The following DYNC2LI1 variants were observed in gnomAD, a reference collection of about 807,000 sequenced individuals.
DYNC2LI1 encodes the protein dynein cytoplasmic 2 light intermediate chain 1.
A neutral mutation model predicts 51.9 loss-of-function variants in DYNC2LI1; 45 were observed. The ratio of observed to expected loss-of-function variants is 0.87; its 90% confidence interval spans 0.68 to 1.11. The LOEUF is 1.11. Ranked by LOEUF, DYNC2LI1 falls within the 50% of genes most tolerant of loss-of-function variation. DYNC2LI1 has a pLI of 0.00. For missense variants in DYNC2LI1, 490 were observed against 417.4 expected (o/e 1.17, Z -1.51); for synonymous variants, 130 against 137.8 (o/e 0.94, Z 0.40).
At chr2:43,811,820 T>C (rs1179779264), downstream of DYNC2LI1, among the ~76,000 whole-genome samples, 3 of 152,244 alleles carry the variant, frequency 2.0e-5, no homozygotes, top group East Asian at 5.8e-4. Context: ...GGTCTCAATC[T>C]CTTGACCTCG....
chr2:43,821,673 G>T, the DYNC2LI1 span, among the ~76,000 whole-genome samples: 1 of 152,062 alleles, frequency 6.6e-6, no homozygotes, highest in South Asian at 2.1e-4. Context: ...CTTTGCCTCA[G>T]CTGGCCCCTG....
intron 4 of DYNC2LI1, 65 bp from the exon 5 acceptor site, chr2:43,789,568 G>A: frequency 7.9e-7 from 1 of 1,272,092 alleles, no homozygotes; most frequent in Non-Finnish European, 1.1e-6. Flanking sequence ...AATTATTACT[G>A]GGAAGTGCTA....
intron 5 of DYNC2LI1, 119 bp from the exon 6 acceptor site, chr2:43,794,338 A>T: frequency 9.0e-7 from 1 of 1,109,070 alleles, no homozygotes; most frequent in Non-Finnish European, 1.2e-6. Context: ...GAATAATGCT[A>T]CGGTTTTTTT....
the DYNC2LI1 span, among the ~76,000 whole-genome samples, chr2:43,816,320 G>C: frequency 6.6e-6 from 1 of 152,180 alleles, no homozygotes; most frequent in Admixed American, 6.5e-5. Context: ...TACAGCAAAG[G>C]AAGACCGTGA....
the DYNC2LI1 span, chr2:43,822,469 CTCCCCCAG>C: frequency 8.8e-5 from 72 of 815,022 alleles, no homozygotes; most frequent in Non-Finnish European, 9.6e-5. Flanking sequence ...GCTTTCTCCC[CTCCCCCAG>C]GCCCCCCCCC....
At chr2:43,805,332 A>G in intron 12 of DYNC2LI1, 86 bp downstream of exon 12, 2 of 772,622 alleles carry the variant, frequency 2.6e-6, no homozygotes, top group East Asian at 2.6e-5. Flanking sequence ...ATTTTTCTCT[A>G]TGTATTTACT....
chr2:43,785,212 T>C (rs1673471159), intron 3 of DYNC2LI1, among the ~76,000 whole-genome samples: 1 of 152,122 alleles, frequency 6.6e-6, no homozygotes, highest in African/African-American at 2.4e-5. Context: ...GGTGGGAGGA[T>C]TACTTGAGCC....
intron 2 of DYNC2LI1, among the ~76,000 whole-genome samples, chr2:43,778,432 G>A (rs927236612): frequency 6.6e-6 from 1 of 152,140 alleles, no homozygotes; most frequent in Admixed American, 6.5e-5. Flanking sequence ...GGGATTACAG[G>A]CATGAGTCAC....
intron 2 of DYNC2LI1, among the ~76,000 whole-genome samples, chr2:43,781,378 C>G (rs1242602549): frequency 6.9e-6 from 1 of 145,672 alleles, no homozygotes; most frequent in Non-Finnish European, 1.5e-5. Flanking sequence ...AAAAAAAAAA[C>G]AAAAAAGGCG....
At chr2:43,776,556 C>T (rs1212822964) in intron 1 of DYNC2LI1, among the ~76,000 whole-genome samples, 2 of 152,148 alleles carry the variant, frequency 1.3e-5, no homozygotes, top group African/African-American at 4.8e-5. Context: ...AATAAAGGCT[C>T]TGCTTATCAA....
the DYNC2LI1 span, among the ~76,000 whole-genome samples, chr2:43,821,686 C>T: frequency 2.6e-5 from 4 of 152,234 alleles, no homozygotes; most frequent in South Asian, 8.3e-4. Context: ...GGCCCCTGGA[C>T]CCCTAAGATT....
At chr2:43,788,415 A>G (rs778836789) in intron 4 of DYNC2LI1, among the ~76,000 whole-genome samples, 6 of 152,158 alleles carry the variant, frequency 3.9e-5, no homozygotes, top group Non-Finnish European at 8.8e-5. Context: ...TAAACTGTGT[A>G]CTATCAAGTG....
intron 4 of DYNC2LI1, among the ~76,000 whole-genome samples, chr2:43,788,729 C>T (rs1335381447): frequency 1.3e-5 from 2 of 152,162 alleles, no homozygotes; most frequent in Admixed American, 6.6e-5. Flanking sequence ...AAAGAATCCT[C>T]CCGCATTAGC....
intron 2 of DYNC2LI1, among the ~76,000 whole-genome samples, chr2:43,781,299 C>T (rs1558665489): frequency 6.6e-6 from 1 of 151,354 alleles, no homozygotes; most frequent in Non-Finnish European, 1.5e-5. Flanking sequence ...AACCCAGAGG[C>T]AGAGGTTTCA....
chr2:43,789,642 A>G lies in DYNC2LI1; in HGVS notation c.241A>G (p.Ile81Val), dbSNP rs1673686406. 2 of 1,613,788 alleles carry G rather than the reference A, an allele frequency of 1.2e-6. No individual in the cohort carries two copies. Among genetic ancestry groups the G allele is most frequent in the Middle Eastern group, 1.6e-4 (1 of 6,062 alleles). ...RAKGHNTPKD[I>V]AHFWELGGGT... is the part of the protein sequence containing the mutation. The stretch of plus-strand genomic sequence containing the variant: ...AATTTTTGTTTTTCAGCCAAAAGAT[A>G]TCGCTCACTTTTGGGAACTCGGTGG... The change falls in exon 5 of 13, where the codon ATC (isoleucine) becomes GTC (valine). Residue 81 changes from isoleucine (I) to valine (V), a missense_variant. Ile to Val is a conservative substitution (Grantham distance 29). Coordinates refer to ENST00000260605, the MANE Select transcript of DYNC2LI1 (RefSeq NM_016008.4).
At chr2:43,816,750 T>G in the DYNC2LI1 span, among the ~76,000 whole-genome samples, 1 of 152,194 alleles carries the variant, frequency 6.6e-6, no homozygotes, top group Non-Finnish European at 1.5e-5. Flanking sequence ...AGTATGCATA[T>G]TTTATATCTT....
At chr2:43,813,670 G>T (rs1254907074), downstream of DYNC2LI1, among the ~76,000 whole-genome samples, 2 of 102,622 alleles carry the variant, frequency 1.9e-5, no homozygotes, top group African/African-American at 3.6e-5. Context: ...AGATTTTTTT[G>T]GTTGTTTTTT....
chr2:43,786,812 C>G (rs1572701816), intron 3 of DYNC2LI1, among the ~76,000 whole-genome samples: 2 of 152,000 alleles, frequency 1.3e-5, no homozygotes, highest in African/African-American at 4.8e-5. Flanking sequence ...GGCGACAAAG[C>G]AAGACTCCAT....
intron 12 of DYNC2LI1, chr2:43,805,588 CTT>C (rs1666222037): frequency 6.3e-6 from 1 of 159,706 alleles, no homozygotes; most frequent in Non-Finnish European, 1.4e-5. Flanking sequence ...TCTTAATAGT[CTT>C]TGGTTTGTGG....
Sources: allele counts gnomAD v4.1 joint callset (sites outside exome capture counted in the v4.1 genomes callset), GRCh38; gene constraint gnomAD v4.1.1; transcripts MANE v1.5; gene names NCBI Gene and HGNC (gene_info 2026-07-23, HGNC 2026-07-21).